SAMD12: variants seen among roughly 807,000 people sequenced by gnomAD.
SAMD12 encodes sterile alpha motif domain-containing protein 12.
In SAMD12, 9 loss-of-function variants were observed where a neutral mutation model predicts 15.0. The observed-to-expected ratio is 0.60, with a 90% CI of 0.36 to 1.05. The LOEUF is 1.05. Among genes scored for constraint, SAMD12 ranks in the 50% least tolerant of loss-of-function variants. The probability of loss-of-function intolerance (pLI) is 0.01; values close to 1 mark genes in which losing one functional copy is unlikely to be tolerated. For missense variants in SAMD12, 230 were observed against 234.2 expected, an observed-to-expected ratio of 0.98 and a Z score of 0.12; for synonymous variants, 86 against 90.1, an observed-to-expected ratio of 0.96 and a Z score of 0.25.
intron 4 of SAMD12, among the ~76,000 whole-genome samples, chr8:118,256,620 T>C (rs990326599): frequency 6.6e-6 from 1 of 151,960 alleles, no homozygotes; most frequent in Admixed American, 6.6e-5. Flanking sequence ...AAGTTCCCAT[T>C]TTACCATCTT....
chr8:118,557,538 G>T (rs376882756), intron 2 of SAMD12, among the ~76,000 whole-genome samples: 3 of 152,086 alleles, frequency 2.0e-5, no homozygotes, highest in Non-Finnish European at 4.4e-5. Flanking sequence ...CCTCAACTAC[G>T]GTAGGTAGGA....
Position 118,189,907 on chromosome 8 carries a change from C to T in SAMD12, c.*7803G>A, listed in dbSNP as rs1554609341. 4.8e-5 allele frequency: 7 copies of T among 145,384 alleles called. No homozygotes were observed. In the Admixed American group the frequency reaches 4.9e-4, roughly 10 times the overall value. The allele number at this position is 145,384 out of a possible 1,614,324, so 9.0% of individuals were successfully genotyped here. ...TACCACATAACTTGATTGCCTCCTC[C>T]TAAGTCTAGTCCTGGGAGTTTTTCT... On this transcript the variant is annotated 3_prime_UTR_variant, in exon 5 of 5. Coordinates refer to the SAMD12 transcript ENST00000409003.
chr8:118,202,668 A>G (rs1819747532), intron 4 of SAMD12, among the ~76,000 whole-genome samples: 2 of 152,212 alleles, frequency 1.3e-5, no homozygotes, highest in Admixed American at 1.3e-4. Context: ...TCATGGGCTC[A>G]AGGGGGAAAT....
intron 2 of SAMD12, among the ~76,000 whole-genome samples, chr8:118,553,851 C>A (rs1228519694): frequency 6.8e-6 from 1 of 147,822 alleles, no homozygotes; most frequent in African/African-American, 2.5e-5. Flanking sequence ...AAACAAACAA[C>A]CCCATCAAAA....
At chr8:118,318,658 C>T (rs996602548) in intron 4 of SAMD12, among the ~76,000 whole-genome samples, 1 of 151,940 alleles carries the variant, frequency 6.6e-6, no homozygotes, top group African/African-American at 2.4e-5. Flanking sequence ...CAGAATTCAC[C>T]TCTATATAAG....
At chr8:118,207,109 C>G (rs1341537520) in intron 4 of SAMD12, among the ~76,000 whole-genome samples, 1 of 152,182 alleles carries the variant, frequency 6.6e-6, no homozygotes, top group Non-Finnish European at 1.5e-5. Flanking sequence ...TCAGTATATG[C>G]AAGTATCTGA....
At chr8:118,511,087 C>G (rs1224471984) in intron 2 of SAMD12, among the ~76,000 whole-genome samples, 1 of 152,138 alleles carries the variant, frequency 6.6e-6, no homozygotes, top group East Asian at 1.9e-4. Context: ...GACAACTCAT[C>G]TAGAACGGTA....
chr8:118,210,676 T>C (rs1259026949), intron 4 of SAMD12, among the ~76,000 whole-genome samples: 2 of 152,210 alleles, frequency 1.3e-5, no homozygotes, highest in Non-Finnish European at 2.9e-5. Context: ...TTATCCACAA[T>C]GCATTCCAGA....
intron 3 of SAMD12, among the ~76,000 whole-genome samples, chr8:118,389,396 T>C (rs1021470288): frequency 2.6e-5 from 4 of 152,076 alleles, no homozygotes; most frequent in African/African-American, 9.7e-5. Context: ...TAAGAAAAGG[T>C]AGACTGAAGC....
intron 4 of SAMD12, among the ~76,000 whole-genome samples, chr8:118,292,349 G>GACACACAGACACACACACACACAC (rs111807707): frequency 7.3e-6 from 1 of 137,622 alleles, no homozygotes. Flanking sequence ...CAAACACACA[G>GACACACAGACACACACACACACAC]ACACACACAC....
intron 2 of SAMD12, among the ~76,000 whole-genome samples, chr8:118,545,650 C>T (rs1287115744): frequency 6.6e-6 from 1 of 151,970 alleles, no homozygotes; most frequent in African/African-American, 2.4e-5. Flanking sequence ...TTGATGAACC[C>T]AAGACATCAT....
chr8:118,225,804 A>C (rs1415350533), intron 4 of SAMD12, among the ~76,000 whole-genome samples: 1 of 152,204 alleles, frequency 6.6e-6, no homozygotes, highest in African/African-American at 2.4e-5. Context: ...TACTCAGCAT[A>C]TGACCTTGAA....
intron 4 of SAMD12, among the ~76,000 whole-genome samples, chr8:118,285,619 G>T (rs914797467): frequency 6.6e-6 from 1 of 152,182 alleles, no homozygotes; most frequent in Non-Finnish European, 1.5e-5. Flanking sequence ...TAGCACAAAT[G>T]GACATGGGCT....
At chr8:118,479,747 C>A (rs1047492407) in intron 2 of SAMD12, among the ~76,000 whole-genome samples, 1 of 150,908 alleles carries the variant, frequency 6.6e-6, no homozygotes, top group African/African-American at 2.4e-5. Flanking sequence ...AGCAATCCTT[C>A]CCTTACTCTT....
intron 4 of SAMD12, among the ~76,000 whole-genome samples, chr8:118,233,830 A>G (rs1390805316): frequency 6.6e-6 from 1 of 152,196 alleles, no homozygotes; most frequent in Non-Finnish European, 1.5e-5. Context: ...GGAATCATGT[A>G]GATTTTTGAA....
chr8:118,516,337 A>G (rs1825243319), intron 2 of SAMD12, among the ~76,000 whole-genome samples: 1 of 152,214 alleles, frequency 6.6e-6, no homozygotes, highest in South Asian at 2.1e-4. Flanking sequence ...TTGTGCTGGC[A>G]TTGGCTATTG....
chr8:118,423,553 G>A (rs1226868445), intron 3 of SAMD12, among the ~76,000 whole-genome samples: 1 of 152,126 alleles, frequency 6.6e-6, no homozygotes, highest in Non-Finnish European at 1.5e-5. Context: ...CAGGCTTATA[G>A]ACAAGAGTTC....
chr8:118,318,011 C>T (rs1029889605), intron 4 of SAMD12, among the ~76,000 whole-genome samples: 2 of 151,918 alleles, frequency 1.3e-5, no homozygotes, highest in Non-Finnish European at 2.9e-5. Context: ...CTACCTTGCT[C>T]CTATAGGAGT....
intron 4 of SAMD12, among the ~76,000 whole-genome samples, chr8:118,216,029 G>A: frequency 6.6e-6 from 1 of 151,680 alleles, no homozygotes; most frequent in African/African-American, 2.4e-5. Flanking sequence ...AGATCCCTGA[G>A]GAATCACCAC....
Sources: gnomAD v4.1 joint callset for allele counts (sites outside exome capture counted in the v4.1 genomes callset) on GRCh38, gnomAD v4.1.1 for gene constraint, MANE v1.5 for transcripts, NCBI Gene and HGNC (gene_info 2026-07-23, HGNC 2026-07-21) for gene names.